Variants in ADAMTSL1 observed in about 807,000 individuals in gnomAD.
ADAMTSL1 encodes the protein ADAMTS like 1.
In ADAMTSL1, 126 loss-of-function variants were observed where a neutral mutation model predicts 201.8. That is an observed-to-expected ratio of 0.62 (90% CI 0.54 to 0.72). The LOEUF is 0.72. ADAMTSL1 is among the 30% of genes least tolerant of loss of function. ADAMTSL1 has a pLI of 0.00. For missense variants in ADAMTSL1, 2,679 were observed against 2,277.8 expected, an observed-to-expected ratio of 1.18 and a Z score of -3.59; for synonymous variants, 1,121 against 903.4, an observed-to-expected ratio of 1.24 and a Z score of -4.32.
At chr9:18,651,427 A>G (rs1399822087) in intron 7 of ADAMTSL1, 1 of 152,246 alleles carries the variant, frequency 6.6e-6, no homozygotes, top group Non-Finnish European at 1.5e-5. Flanking sequence ...GCTCACTTGA[A>G]AGATCTATGC....
At chr9:18,898,068 A>G (rs1041225098) in intron 26 of ADAMTSL1, among the ~76,000 whole-genome samples, 48 of 151,626 alleles carry the variant, frequency 3.2e-4, no homozygotes, top group African/African-American at 9.9e-4. Context: ...GGGCACCTGT[A>G]GCCCCAACTA....
intron 4 of ADAMTSL1, among the ~76,000 whole-genome samples, chr9:18,597,714 G>C (rs552248266): frequency 1.6e-4 from 24 of 152,016 alleles, no homozygotes; most frequent in Non-Finnish European, 3.1e-4. Context: ...TATCAAGTGA[G>C]GAAAGGGATG....
chr9:17,986,799 T>C (rs1381619686), intron 1 of ADAMTSL1, among the ~76,000 whole-genome samples: 1 of 152,112 alleles, frequency 6.6e-6, no homozygotes, highest in African/African-American at 2.4e-5. Flanking sequence ...TTATTACAGA[T>C]GTCTGGAGTT....
At chr9:18,119,509 G>T (rs1317467218) in intron 1 of ADAMTSL1, among the ~76,000 whole-genome samples, 1 of 151,956 alleles carries the variant, frequency 6.6e-6, no homozygotes, top group Non-Finnish European at 1.5e-5. Context: ...CTACATGTTG[G>T]CCAGACTGGT....
intron 26 of ADAMTSL1, among the ~76,000 whole-genome samples, chr9:18,893,848 A>AC (rs1246040414): frequency 1.3e-5 from 2 of 152,182 alleles, no homozygotes; most frequent in East Asian, 3.8e-4. Context: ...GTCTATGAAA[A>AC]CCATGCTGAT....
At chr9:18,281,080 G>C (rs1338399875) in intron 2 of ADAMTSL1, among the ~76,000 whole-genome samples, 1 of 151,980 alleles carries the variant, frequency 6.6e-6, no homozygotes, top group Non-Finnish European at 1.5e-5. Context: ...TGTTCTGTGT[G>C]GGAGACGCAT....
intron 1 of ADAMTSL1, among the ~76,000 whole-genome samples, chr9:18,504,458 C>G (rs1035411485): frequency 5.3e-5 from 8 of 152,254 alleles, no homozygotes; most frequent in African/African-American, 1.9e-4. Context: ...ACAGAAATAC[C>G]TCTGAGAGCA....
intron 19 of ADAMTSL1, among the ~76,000 whole-genome samples, chr9:18,786,068 T>C (rs1821690099): frequency 6.6e-6 from 1 of 152,254 alleles, no homozygotes; most frequent in Non-Finnish European, 1.5e-5. Flanking sequence ...AGTAAGACTT[T>C]CTTTTCTTTT....
intron 23 of ADAMTSL1, among the ~76,000 whole-genome samples, chr9:18,868,612 C>T (rs1366824016): frequency 6.6e-6 from 1 of 152,170 alleles, no homozygotes; most frequent in Non-Finnish European, 1.5e-5. Flanking sequence ...GGCCTTCCAG[C>T]CCTATTTGAA....
chr9:18,782,551 T>C (rs1434147499), intron 19 of ADAMTSL1, among the ~76,000 whole-genome samples: 1 of 152,216 alleles, frequency 6.6e-6, no homozygotes, highest in African/African-American at 2.4e-5. Context: ...GTATGCCCAG[T>C]AACCGGCACC....
At chr9:18,122,950 G>A (rs952121393) in intron 1 of ADAMTSL1, among the ~76,000 whole-genome samples, 1 of 152,104 alleles carries the variant, frequency 6.6e-6, no homozygotes, top group Non-Finnish European at 1.5e-5. Flanking sequence ...TGTTGTCCAG[G>A]CTGGTCTTAA....
intron 1 of ADAMTSL1, among the ~76,000 whole-genome samples, chr9:17,956,618 CTCTT>C (rs549978600): frequency 5.5e-4 from 83 of 152,232 alleles, no homozygotes; most frequent in Middle Eastern, 3.4e-3. Flanking sequence ...CCTGCTCTCT[CTCTT>C]TCTTTGGACT....
intron 2 of ADAMTSL1, among the ~76,000 whole-genome samples, chr9:18,166,856 A>G (rs1227187840): frequency 6.6e-6 from 1 of 152,006 alleles, no homozygotes; most frequent in Non-Finnish European, 1.5e-5. Context: ...TATTTTGACC[A>G]AAATAGGTGG....
chr9:18,212,268 TAGG>T (rs1829904488), intron 2 of ADAMTSL1, among the ~76,000 whole-genome samples: 1 of 152,164 alleles, frequency 6.6e-6, no homozygotes, highest in Non-Finnish European at 1.5e-5. Flanking sequence ...GTCTCTGTGG[TAGG>T]AGGAAGATTG....
At chr9:18,299,900 G>A (rs1833631842) in intron 2 of ADAMTSL1, among the ~76,000 whole-genome samples, 1 of 152,214 alleles carries the variant, frequency 6.6e-6, no homozygotes, top group Non-Finnish European at 1.5e-5. Context: ...CAAAGAACTG[G>A]GGATTAGAAT....
chr9:18,059,235 G>T (rs746374203), intron 1 of ADAMTSL1, among the ~76,000 whole-genome samples: 8 of 152,124 alleles, frequency 5.3e-5, no homozygotes, highest in Non-Finnish European at 8.8e-5. Flanking sequence ...CTATCGGACT[G>T]TTAACTCCTT....
intron 2 of ADAMTSL1, among the ~76,000 whole-genome samples, chr9:18,323,659 C>A (rs1159285713): frequency 6.6e-6 from 1 of 152,094 alleles, no homozygotes; most frequent in Non-Finnish European, 1.5e-5. Context: ...GAAACAAATT[C>A]AGTATACAAA....
intron 3 of ADAMTSL1, 143 bp downstream of exon 3, chr9:18,533,435 G>C: frequency 2.0e-6 from 1 of 492,672 alleles, no homozygotes; most frequent in South Asian, 6.2e-5. Context: ...TTATATGCAG[G>C]ACTAAAATGA....
At position 18,327,763 on chromosome 9, in the gene ADAMTSL1, G is replaced by A. The variant is rs150691261; in HGVS notation, c.207+163782G>A. On this transcript the variant is annotated intron_variant, in intron 2 of 29. Coordinates refer to the ADAMTSL1 transcript ENST00000680146. ...AAGGTCTTGACTGAAAGCTTAAAGAGTTATACACTGAGTTTAAATAACCCA... is the reference window on the plus strand; with the variant it reads ...AAGGTCTTGACTGAAAGCTTAAAGAATTATACACTGAGTTTAAATAACCCA... 1.5e-3 allele frequency among the ~76,000 whole-genome samples: 235 copies of A among 152,328 alleles called. 1 individual carries two copies. The highest frequency in any genetic ancestry group is 6.8e-3 in the Middle Eastern group (2 of 294).
Sources: allele counts gnomAD v4.1 joint callset (sites outside exome capture counted in the v4.1 genomes callset), GRCh38; gene constraint gnomAD v4.1.1; transcripts MANE v1.5; gene names NCBI Gene and HGNC (gene_info 2026-07-23, HGNC 2026-07-21).